The following CDH8 variants were observed in gnomAD, a reference collection of about 807,000 sequenced individuals.
The protein encoded by CDH8 is cadherin-8.
Under a neutral mutation model 68.1 loss-of-function variants are expected in CDH8, and 17 were observed. The ratio of observed to expected loss-of-function variants is 0.25; its 90% CI spans 0.17 to 0.37. The LOEUF (loss-of-function observed/expected upper bound fraction) is 0.37. Ranked by LOEUF, CDH8 falls within the 10% of genes least tolerant of loss-of-function variation. CDH8 has a pLI of 1.00. For synonymous variants in CDH8, 372 were observed against 365.1 expected (o/e 1.02, Z -0.21); for missense variants, 763 against 999.3 (o/e 0.76, Z 3.19).
rs1901736536 is a variant in CDH8, at chr16:62,008,916, T to C, written c.252+12236A>G. 2.0e-5 allele frequency among the ~76,000 whole-genome samples: 3 copies of C among 148,204 alleles called. No homozygotes were observed. The South Asian group carries it at 6.6e-4, about 32-fold the overall frequency. On this transcript the variant is annotated intron_variant, in intron 2 of 11. Transcript: ENST00000577390. Reference sequence around the variant, plus strand: ...ATGAGCTTTGCCAAAGGAAAGCTCCTTTAAGAGAAAAAATAATAGGATGTG... The same window carrying C: ...ATGAGCTTTGCCAAAGGAAAGCTCCCTTAAGAGAAAAAATAATAGGATGTG...
chr16:61,772,036 T>G (rs901144165), intron 8 of CDH8, among the ~76,000 whole-genome samples: 14 of 151,908 alleles, frequency 9.2e-5, no homozygotes, highest in Non-Finnish European at 2.1e-4. Flanking sequence ...GCACTCAAAC[T>G]TCAACACCAG....
intron 8 of CDH8, among the ~76,000 whole-genome samples, chr16:61,743,883 T>C (rs1959946788): frequency 6.6e-6 from 1 of 152,164 alleles, no homozygotes; most frequent in Non-Finnish European, 1.5e-5. Context: ...TGTTAATTTC[T>C]TTGTTTTTCA....
At chr16:61,685,301 GT>G (rs1410230560) in intron 10 of CDH8, among the ~76,000 whole-genome samples, 1 of 151,820 alleles carries the variant, frequency 6.6e-6, no homozygotes, top group Non-Finnish European at 1.5e-5. Flanking sequence ...ATTAAAGCAA[GT>G]TTGGGGATTA....
At chr16:61,801,203 T>C (rs935951298) in intron 7 of CDH8, among the ~76,000 whole-genome samples, 13 of 152,194 alleles carry the variant, frequency 8.5e-5, no homozygotes, top group Non-Finnish European at 1.8e-4. Context: ...AGATCACTAG[T>C]TTTAAAATAT....
intron 2 of CDH8, among the ~76,000 whole-genome samples, chr16:61,908,704 C>T (rs895728021): frequency 2.6e-5 from 4 of 152,090 alleles, no homozygotes; most frequent in African/African-American, 9.7e-5. Flanking sequence ...TCAGGCTGCA[C>T]CACATAATTG....
At chr16:61,872,560 T>G (rs549941275) in intron 3 of CDH8, among the ~76,000 whole-genome samples, 44 of 152,206 alleles carry the variant, frequency 2.9e-4, no homozygotes, top group Non-Finnish European at 5.0e-4. Context: ...ATCATGCAGA[T>G]GAAGCTTCCA....
rs1181986647 is a variant in CDH8 at position 61,727,126 on chromosome 16, C to T, written c.1504G>A (p.Ala502Thr). The stretch of plus-strand genomic sequence containing the variant: ...GGTTTTCCATTTTCACATAAAAATG[C>T]CTCATATTCGGATGCGAATTCAGGG... ...NAPEFASEYE[A>T]FLCENGKPGQ... The change falls in exon 9 of 12, where the codon GCA (alanine) becomes ACA (threonine). Residue 502 changes from alanine to threonine, a missense_variant. This residue lies in a region of CDH8 where 397 missense variants were observed against 436.2 expected (regional missense o/e 0.91). Coordinates refer to ENST00000577390, the MANE Select transcript of CDH8 (RefSeq NM_001796.5). 3.1e-6 allele frequency: 5 copies of T among 1,610,626 alleles called. No individual in the cohort carries two copies. Among genetic ancestry groups the T allele is most frequent in the East Asian group, 2.2e-5 (1 of 44,776 alleles).
At chr16:61,885,441 T>A (rs1002220776) in intron 3 of CDH8, among the ~76,000 whole-genome samples, 2 of 152,170 alleles carry the variant, frequency 1.3e-5, no homozygotes, top group African/African-American at 4.8e-5. Flanking sequence ...GTTACTAATG[T>A]TCTTAGTGCT....
In CDH8 at chr16:61,782,806, G is replaced by A. The variant is rs374891760; in HGVS notation, c.1414+6540C>T. Among the ~76,000 whole-genome samples the A allele has an allele frequency of 0.022, 3,388 of 152,144 alleles. 255 individuals carry two copies. In the East Asian group the frequency reaches 0.24, roughly 11 times the overall value. On this transcript the variant is annotated intron_variant, in intron 8 of 11. Coordinates refer to ENST00000577390, the MANE Select transcript of CDH8 (RefSeq NM_001796.5). The stretch of plus-strand genomic sequence containing the variant: ...CCTGACCCCTGAGCAGCCTAACTGG[G>A]AGGCACCCCCCAGCAGGGGCACACT...
intron 2 of CDH8, among the ~76,000 whole-genome samples, chr16:61,968,048 G>A (rs749006915): frequency 6.6e-6 from 1 of 152,080 alleles, no homozygotes; most frequent in Non-Finnish European, 1.5e-5. Flanking sequence ...GACCTTGGGC[G>A]ATCCACCCGC....
chr16:61,720,975 ATATATC>A (rs1959212409), intron 9 of CDH8, among the ~76,000 whole-genome samples: 1 of 150,762 alleles, frequency 6.6e-6, no homozygotes, highest in Non-Finnish European at 1.5e-5. Flanking sequence ...TTGTATATCT[ATATATC>A]TATATCTATC....
intron 7 of CDH8, among the ~76,000 whole-genome samples, chr16:61,801,914 T>G (rs1285243415): frequency 6.7e-6 from 1 of 148,678 alleles, no homozygotes; most frequent in East Asian, 2.0e-4. Context: ...TGCCCAGGCT[T>G]GCTTAGGTAA....
chr16:61,823,808 C>T (rs751641981), intron 5 of CDH8, among the ~76,000 whole-genome samples: 20 of 151,874 alleles, frequency 1.3e-4, no homozygotes, highest in Non-Finnish European at 2.1e-4. Context: ...AGCACTTTCC[C>T]CTGGCACTCT....
intron 1 of CDH8, among the ~76,000 whole-genome samples, chr16:62,033,276 T>G (rs183275485): frequency 6.6e-6 from 1 of 152,360 alleles, no homozygotes. Flanking sequence ...AATACTGTGT[T>G]GACCACAGTT....
chr16:61,667,782 C>T (rs1963708639), intron 10 of CDH8: 1 of 152,026 alleles, frequency 6.6e-6, no homozygotes, highest in Non-Finnish European at 1.5e-5. Context: ...TTATGATTTA[C>T]TGAGTCACAG....
chr16:62,007,826 T>C (rs1567566219), intron 2 of CDH8, among the ~76,000 whole-genome samples: 1 of 152,148 alleles, frequency 6.6e-6, no homozygotes, highest in Non-Finnish European at 1.5e-5. Flanking sequence ...ATTTTCACTT[T>C]ACCTCATTTT....
intron 8 of CDH8, among the ~76,000 whole-genome samples, chr16:61,772,105 C>T (rs1960792653): frequency 6.6e-6 from 1 of 151,886 alleles, no homozygotes; most frequent in Non-Finnish European, 1.5e-5. Context: ...TTCTAAATAT[C>T]CAAATTCCTC....
chr16:61,739,734 A>AAAAAGAAAAGAAAAGAAAAG lies in CDH8; in HGVS notation c.1415-12539_1415-12520dup, dbSNP rs529131501. Among the ~76,000 whole-genome samples the AAAAAGAAAAGAAAAGAAAAG allele has an allele frequency of 8.6e-4, 122 of 142,060 alleles. 2 individuals are homozygous for AAAAAGAAAAGAAAAGAAAAG. Among genetic ancestry groups the AAAAAGAAAAGAAAAGAAAAG allele is most frequent in the African/African-American group, 3.1e-3 (118 of 38,550 alleles). 93.2% of individuals were successfully genotyped at this position (142,060 alleles called of 152,430 possible). A position where few individuals can be genotyped will look rare whatever the true frequency, so the allele number is the denominator to read the frequency against. On this transcript the variant is annotated intron_variant, in intron 8 of 11. Transcript: ENST00000577390. The stretch of plus-strand genomic sequence containing the variant: ...CAGAGCGAGACTCTGCCTCAAAAAA[A>AAAAAGAAAAGAAAAGAAAAG]AAAAGAAAAGAAAAGAAAAGAAAAG...
chr16:62,008,635 G>A (rs770092993), intron 2 of CDH8, among the ~76,000 whole-genome samples: 14 of 152,104 alleles, frequency 9.2e-5, no homozygotes, highest in Non-Finnish European at 1.9e-4. Flanking sequence ...CCAATGTGCT[G>A]AGATTATAGG....
Sources: gnomAD v4.1 joint callset for allele counts (sites outside exome capture counted in the v4.1 genomes callset) on GRCh38, gnomAD v4.1.1 for gene constraint, gnomAD v4.1.1 regional missense constraint, MANE v1.5 for transcripts, NCBI Gene and HGNC (gene_info 2026-07-23, HGNC 2026-07-21) for gene names.